The following TMEM132C variants were observed in gnomAD, a reference collection of about 807,000 sequenced individuals.
The protein encoded by TMEM132C is protein phosphatase 1, regulatory subunit 152.
TMEM132C carries 29 observed loss-of-function variants against 61.4 expected under a neutral mutation model. The ratio of observed to expected loss-of-function variants is 0.47; its 90% CI spans 0.35 to 0.64. The LOEUF (loss-of-function observed/expected upper bound fraction) is 0.64, where lower values mean the gene tolerates loss of function less well. Among genes scored for constraint, TMEM132C ranks in the 30% least tolerant of loss-of-function variants. The pLI is 0.00. For synonymous variants in TMEM132C, 656 were observed against 633.1 expected (o/e 1.04, Z -0.54); for missense variants, 1,408 against 1,476.9 (o/e 0.95, Z 0.76).
At chr12:128,299,373 AAGATGAGCTGGTCTCATT>A (rs1399522798) in intron 1 of TMEM132C, among the ~76,000 whole-genome samples, 1 of 152,168 alleles carries the variant, frequency 6.6e-6, no homozygotes, top group Non-Finnish European at 1.5e-5. Flanking sequence ...TGGTTTTGAA[AAGATGAGCTGGTCTCATT>A]AGATGAGCTG....
At chr12:128,358,278 A>G (rs906229567) in intron 1 of TMEM132C, among the ~76,000 whole-genome samples, 1 of 152,206 alleles carries the variant, frequency 6.6e-6, no homozygotes, top group Non-Finnish European at 1.5e-5. Flanking sequence ...ACATATGCAC[A>G]GCGGGACACT....
intron 2 of TMEM132C, among the ~76,000 whole-genome samples, chr12:128,456,469 C>T (rs1306640338): frequency 8.1e-6 from 1 of 123,960 alleles, no homozygotes; most frequent in Non-Finnish European, 1.6e-5. Flanking sequence ...TTCAGTGGCT[C>T]GATATTGGCT....
intron 1 of TMEM132C, among the ~76,000 whole-genome samples, chr12:128,335,759 AC>A: frequency 6.6e-6 from 1 of 152,314 alleles, no homozygotes; most frequent in East Asian, 1.9e-4. Flanking sequence ...TCCCCATTCC[AC>A]AGATGAGAGT....
At chr12:128,635,188 A>G (rs1225083637) in intron 4 of TMEM132C, among the ~76,000 whole-genome samples, 5 of 152,230 alleles carry the variant, frequency 3.3e-5, no homozygotes, top group African/African-American at 1.2e-4. Flanking sequence ...GAGATTCTAA[A>G]CAGCAAACTT....
intron 2 of TMEM132C, among the ~76,000 whole-genome samples, chr12:128,460,520 T>A (rs1870497193): frequency 6.6e-6 from 1 of 152,142 alleles, no homozygotes; most frequent in South Asian, 2.1e-4. Flanking sequence ...TTTAGTATCG[T>A]TCTCACCCCG....
intron 1 of TMEM132C, among the ~76,000 whole-genome samples, chr12:128,286,258 C>T (rs891465831): frequency 3.3e-5 from 5 of 152,086 alleles, no homozygotes; most frequent in South Asian, 2.1e-4. Flanking sequence ...TTAGCTTATA[C>T]GTGAACATTT....
chr12:128,567,032 T>A lies in TMEM132C; in HGVS notation c.1121+22929T>A, dbSNP rs113664743. 5.6e-3 allele frequency among the ~76,000 whole-genome samples: 853 copies of A among 152,298 alleles called. 18 individuals are homozygous for A. Among genetic ancestry groups the A allele is most frequent in the African/African-American group, 0.019 (804 of 41,552 alleles). ...TCAGGGATCCTCACTTCTAGAAACT[T>A]GGGAACAAAATACCAAAGGGATGCA... On this transcript the variant is annotated intron_variant, in intron 3 of 8. Coordinates refer to ENST00000435159, the MANE Select transcript of TMEM132C (RefSeq NM_001136103.3).
intron 2 of TMEM132C, among the ~76,000 whole-genome samples, chr12:128,517,063 A>T (rs1221386419): frequency 6.8e-6 from 1 of 146,880 alleles, no homozygotes; most frequent in African/African-American, 2.6e-5. Flanking sequence ...TCTGCTAAAA[A>T]TACAAAAAAA....
Position 128,705,826 on chromosome 12 carries a change from G to C in TMEM132C, c.2858G>C (p.Arg953Thr). ...TGCGCCACCTTTGCCCTGAAGTACA[G>C]GCACAAGCAAGTGCCCCTGGAAGGT... ...INCATFALKY[R>T]HKQVPLEGQA... The change falls in exon 9 of 9, where the codon AGG (arginine) becomes ACG (threonine). Residue 953 changes from arginine (R) to threonine (T), a missense_variant. Coordinates refer to ENST00000435159, the MANE Select transcript of TMEM132C (RefSeq NM_001136103.3). 1 of 1,551,646 alleles carries C rather than the reference G, an allele frequency of 6.4e-7. No homozygotes were observed. The highest frequency in any genetic ancestry group is 8.7e-7 in the Non-Finnish European group (1 of 1,147,042).
At chr12:128,483,367 A>G (rs191749807) in intron 2 of TMEM132C, among the ~76,000 whole-genome samples, 873 of 75,532 alleles carry the variant, frequency 0.012, 11 homozygotes, top group African/African-American at 0.041. Context: ...CAAGACAAGC[A>G]GCCGAAGGGG....
chr12:128,611,060 T>C (rs10744383), intron 3 of TMEM132C, among the ~76,000 whole-genome samples: 44,640 of 152,178 alleles, frequency 0.29, 7,110 homozygotes, highest in African/African-American at 0.42. Context: ...CATCAAGTTC[T>C]GTTCTAAGCA....
intron 1 of TMEM132C, among the ~76,000 whole-genome samples, chr12:128,315,067 CTA>C (rs1872106703): frequency 6.6e-6 from 1 of 152,110 alleles, no homozygotes; most frequent in Non-Finnish European, 1.5e-5. Flanking sequence ...GATGGGAAGT[CTA>C]TTTTGAATAG....
chr12:128,395,447 G>T (rs1874916760), intron 1 of TMEM132C, among the ~76,000 whole-genome samples: 1 of 152,134 alleles, frequency 6.6e-6, no homozygotes, highest in Non-Finnish European at 1.5e-5. Flanking sequence ...AAACACAGAT[G>T]CTTCTCTACT....
chr12:128,639,359 T>C (rs1424189346), intron 4 of TMEM132C, among the ~76,000 whole-genome samples: 2 of 151,988 alleles, frequency 1.3e-5, no homozygotes, highest in African/African-American at 4.8e-5. Context: ...GTGATGAAGA[T>C]GATGATGGTG....
At chr12:128,629,703 C>T (rs1435997474) in intron 4 of TMEM132C, among the ~76,000 whole-genome samples, 1 of 152,132 alleles carries the variant, frequency 6.6e-6, no homozygotes, top group Non-Finnish European at 1.5e-5. Context: ...CACGGTGGCT[C>T]ACGCCTGTAA....
chr12:128,418,221 G>C (rs1173578279), intron 2 of TMEM132C, among the ~76,000 whole-genome samples: 1 of 152,212 alleles, frequency 6.6e-6, no homozygotes, highest in Admixed American at 6.5e-5. Context: ...GCAAATGCAA[G>C]TCCTTGTGTC....
At chr12:128,473,449 C>G (rs951759348) in intron 2 of TMEM132C, among the ~76,000 whole-genome samples, 1 of 115,116 alleles carries the variant, frequency 8.7e-6, no homozygotes, top group Non-Finnish European at 1.9e-5. Context: ...TATCTTTATC[C>G]TCACGCCAGC....
intron 2 of TMEM132C, among the ~76,000 whole-genome samples, chr12:128,467,595 A>G (rs1008684126): frequency 2.6e-5 from 4 of 152,266 alleles, no homozygotes; most frequent in African/African-American, 7.2e-5. Flanking sequence ...TGGCCTCTCC[A>G]TCTCGCAGTA....
intron 3 of TMEM132C, among the ~76,000 whole-genome samples, chr12:128,588,352 AG>A (rs1225353344): frequency 6.6e-6 from 1 of 152,184 alleles, no homozygotes; most frequent in Non-Finnish European, 1.5e-5. Flanking sequence ...GGATTGCTTG[AG>A]CCAGGGAGGT....
Sources: allele counts gnomAD v4.1 joint callset (sites outside exome capture counted in the v4.1 genomes callset), GRCh38; gene constraint gnomAD v4.1.1; transcripts MANE v1.5; gene names NCBI Gene and HGNC (gene_info 2026-07-23, HGNC 2026-07-21).